The following EXD3 variants were observed in gnomAD, a reference collection of about 807,000 sequenced individuals.
EXD3 encodes the protein exonuclease mut-7 homolog.
EXD3 carries 92 observed loss-of-function variants against 98.0 expected under a neutral mutation model. That is an observed-to-expected ratio of 0.94 (90% CI 0.79 to 1.12). The LOEUF (loss-of-function observed/expected upper bound fraction) is 1.12, where lower values mean the gene tolerates loss of function less well. Ranked by LOEUF, EXD3 falls within the 50% of genes most tolerant of loss-of-function variation. The probability of loss-of-function intolerance (pLI) is 0.00; values close to 1 mark genes in which losing one functional copy is unlikely to be tolerated. For synonymous variants in EXD3, 569 were observed against 526.0 expected (o/e 1.08, Z -1.12); for missense variants, 1,222 against 1,191.6 (o/e 1.03, Z -0.38).
chr9:137,397,111 G>A (rs60519032), intron 1 of EXD3, among the ~76,000 whole-genome samples: 26 of 152,282 alleles, frequency 1.7e-4, no homozygotes, highest in East Asian at 3.9e-4. Context: ...GCCACACAGC[G>A]CCTGACACAC....
intron 3 of EXD3, among the ~76,000 whole-genome samples, chr9:137,375,039 C>G (rs554632606): frequency 6.6e-6 from 1 of 150,530 alleles, no homozygotes; most frequent in Non-Finnish European, 1.5e-5. Context: ...GACGGAGTCT[C>G]GCTCTGTCGC....
intron 10 of EXD3, chr9:137,353,961 G>T: frequency 9.3e-7 from 1 of 1,073,132 alleles, no homozygotes; most frequent in Non-Finnish European, 1.1e-6. Context: ...CCGGCTCTGC[G>T]CTGGCACCGG....
chr9:137,405,733 G>C lies in EXD3; in HGVS notation c.-47-10329C>G, dbSNP rs1837683875. Among the ~76,000 whole-genome samples the C allele has an allele frequency of 6.6e-6, 1 of 152,214 alleles. No homozygotes were observed. The highest frequency in any genetic ancestry group is 6.5e-5 in the Admixed American group (1 of 15,280). ...GAAGTAGATCAAGTTCCTGATAAAT[G>C]TTAGAGTTAGCCTGACTCAGCATGA... On this transcript the variant is annotated intron_variant, in intron 1 of 21. Coordinates refer to ENST00000340951, the MANE Select transcript of EXD3 (RefSeq NM_017820.5). The surrounding 1 kb of genome is among the most constrained non-coding windows in gnomAD (Gnocchi z 4.1).
At chr9:137,355,641 AAGGAGGAAGGAGG>A (rs1834695841) in intron 8 of EXD3, among the ~76,000 whole-genome samples, 1 of 137,216 alleles carries the variant, frequency 7.3e-6, no homozygotes, top group African/African-American at 2.7e-5. Context: ...AGGAAGGAGG[AAGGAGGAAGGAGG>A]AAGGAGGAAG....
At chr9:137,336,825 GAA>G (rs376692323) in intron 17 of EXD3, among the ~76,000 whole-genome samples, 55 of 151,270 alleles carry the variant, frequency 3.6e-4, no homozygotes, top group African/African-American at 1.3e-3. Context: ...CTAAAAGCAT[GAA>G]AAAAAAGAGG....
At chr9:137,416,978 A>T in intron 1 of EXD3, among the ~76,000 whole-genome samples, 1 of 152,152 alleles carries the variant, frequency 6.6e-6, no homozygotes, top group Non-Finnish European at 1.5e-5. Context: ...GAACACGCCC[A>T]ACTCCACGGG....
chr9:137,351,582 G>T (rs1309704340), intron 12 of EXD3, 54 bp from the exon 13 acceptor site: 11 of 1,508,842 alleles, frequency 7.3e-6, no homozygotes, highest in Non-Finnish European at 9.9e-6. Flanking sequence ...GCTCTGCAGG[G>T]ACCACAGCCT....
In EXD3 at chr9:137,347,455, T is replaced by A. The variant is rs145025406; in HGVS notation, c.1998+616A>T. Among the ~76,000 whole-genome samples, 13 of 152,198 alleles carry A rather than the reference T, an allele frequency of 8.5e-5. No individual in the cohort carries two copies. In the East Asian group the frequency reaches 2.5e-3, roughly 29 times the overall value. On this transcript the variant is annotated intron_variant, in intron 17 of 21. Transcript: ENST00000340951. This position sits in a 1 kb window ranked among gnomAD's most constrained non-coding sequence, Gnocchi z 4.2. ...TGTTCCATTCCTGCTTTTTTTCTTT[T>A]TTTTTTAAGATGGAGTCTTGCTCTG...
intron 3 of EXD3, among the ~76,000 whole-genome samples, chr9:137,380,021 C>G (rs1208171393): frequency 2.0e-5 from 3 of 151,924 alleles, no homozygotes; most frequent in Non-Finnish European, 2.9e-5. Flanking sequence ...AGACTTCAGT[C>G]CTGGCCCAGG....
At chr9:137,379,336 G>T (rs200578783) in intron 3 of EXD3, among the ~76,000 whole-genome samples, 12 of 109,626 alleles carry the variant, frequency 1.1e-4, no homozygotes, top group African/African-American at 5.7e-4. Context: ...GTCTGTGTGA[G>T]GGGTACAGGG....
chr9:137,316,728 C>G (rs926167263), intron 19 of EXD3, among the ~76,000 whole-genome samples: 1 of 152,200 alleles, frequency 6.6e-6, no homozygotes, highest in East Asian at 1.9e-4. Context: ...GGCGAGGGCC[C>G]CGGGCTGGGC....
At chr9:137,341,584 G>A (rs80304447) in intron 17 of EXD3, among the ~76,000 whole-genome samples, 9 of 99,956 alleles carry the variant, frequency 9.0e-5, no homozygotes, top group Admixed American at 2.2e-4. Context: ...CAGAGGAAAC[G>A]GGGCTCAGGC....
Position 137,354,763 on chromosome 9 carries a change from G to A in EXD3, c.768C>T (p.Pro256=), listed in dbSNP as rs1203585957. 1.4e-5 allele frequency: 22 copies of A among 1,609,656 alleles called. No individual in the cohort carries two copies. The South Asian group carries it at 2.3e-4, about 17-fold the overall frequency. The stretch of plus-strand genomic sequence containing the variant: ...CCAGGCGCTGCTGAATGGCCGCGTT[G>A]GGACACAGCGCTGAAAGGAAAGGCC... The part of the protein sequence containing the change: ...ERYGVAPALC[P]NAAIQQRLAA... The change falls in exon 9 of 22, where the codon CCC becomes CCT. Residue 256 remains proline (P), a synonymous_variant. Coordinates refer to ENST00000340951, the MANE Select transcript of EXD3 (RefSeq NM_017820.5).
intron 2 of EXD3, among the ~76,000 whole-genome samples, chr9:137,390,158 C>T (rs796525685): frequency 1.7e-4 from 22 of 132,986 alleles, no homozygotes; most frequent in South Asian, 7.0e-4. Context: ...TGGCCGGGCG[C>T]GGTGGCTCAC....
chr9:137,398,699 C>T (rs560071026), intron 1 of EXD3, among the ~76,000 whole-genome samples: 5 of 150,402 alleles, frequency 3.3e-5, no homozygotes, highest in South Asian at 2.1e-4. Flanking sequence ...CCCACGTCCC[C>T]GTGACACACG....
chr9:137,321,540 G>A (rs982216864), intron 19 of EXD3, among the ~76,000 whole-genome samples: 16 of 152,152 alleles, frequency 1.1e-4, no homozygotes, highest in Admixed American at 8.5e-4. Context: ...AAAATTAGCC[G>A]CCCGTGGTGG....
chr9:137,306,901 C>T lies in EXD3; in HGVS notation c.*49G>A. The T allele has an allele frequency of 6.6e-7, 1 of 1,511,430 alleles. No homozygotes were observed. Among genetic ancestry groups the T allele is most frequent in the Admixed American group, 2.1e-5 (1 of 47,126 alleles). The allele number at this position is 1,511,430 out of a possible 1,614,324, so 93.6% of individuals were successfully genotyped here. A position where few individuals can be genotyped will look rare whatever the true frequency, so the allele number is the denominator to read the frequency against. ...ATGAAACATGTGAGCCAGTCCACGGCCATGGGCCCAGCAGTCGGGCACTTT... is the reference window on the plus strand; with the variant it reads ...ATGAAACATGTGAGCCAGTCCACGGTCATGGGCCCAGCAGTCGGGCACTTT... On this transcript the variant is annotated 3_prime_UTR_variant, in exon 22 of 22. Coordinates refer to ENST00000340951, the MANE Select transcript of EXD3 (RefSeq NM_017820.5).
At chr9:137,335,401 C>T (rs1833302801) in intron 17 of EXD3, among the ~76,000 whole-genome samples, 1 of 152,010 alleles carries the variant, frequency 6.6e-6, no homozygotes, top group Non-Finnish European at 1.5e-5. Context: ...GTAAAAAAGA[C>T]CAGGCGTGGT....
intron 3 of EXD3, among the ~76,000 whole-genome samples, chr9:137,380,263 A>G (rs905363377): frequency 3.3e-5 from 5 of 150,238 alleles, no homozygotes; most frequent in African/African-American, 7.4e-5. Context: ...CCTGCTGTGC[A>G]CGGAGAAAAC....
Sources: gnomAD v4.1 joint callset for allele counts (sites outside exome capture counted in the v4.1 genomes callset) on GRCh38, gnomAD v4.1.1 for gene constraint, Gnocchi (gnomAD v3.1) non-coding constraint, MANE v1.5 for transcripts, NCBI Gene and HGNC (gene_info 2026-07-23, HGNC 2026-07-21) for gene names.